Variants in ICAM2 observed in about 807,000 individuals in gnomAD.
ICAM2 encodes ICAM-2.
ICAM2 carries 14 observed loss-of-function variants against 19.1 expected under a neutral mutation model. The observed-to-expected ratio is 0.73, with a 90% CI of 0.48 to 1.15. ICAM2 has a LOEUF of 1.15. Among genes scored for constraint, ICAM2 ranks in the 50% most tolerant of loss-of-function variants. The pLI, the probability that ICAM2 is intolerant of heterozygous loss-of-function variation, is 0.00. For missense variants in ICAM2, 311 were observed against 355.4 expected, an observed-to-expected ratio of 0.88 and a Z score of 1.00; for synonymous variants, 153 against 152.7, an observed-to-expected ratio of 1.00 and a Z score of -0.01.
chr17:64,012,688 G>A (rs534022775), intron 1 of ICAM2, among the ~76,000 whole-genome samples: 6 of 152,296 alleles, frequency 3.9e-5, no homozygotes, highest in South Asian at 2.1e-4. Flanking sequence ...TTGAATCCAC[G>A]TGAATGAAGG....
At chr17:64,018,396 A>G in intron 1 of ICAM2, among the ~76,000 whole-genome samples, 1 of 151,126 alleles carries the variant, frequency 6.6e-6, no homozygotes, top group South Asian at 2.1e-4. Context: ...AAACATGTCT[A>G]AACAAGTGAA....
rs768243019 is a variant in ICAM2, at chr17:64,005,137, C to T, written c.298G>A (p.Glu100Lys). The part of the protein sequence containing the change: ...QCHFTCSGKQ[E>K]SMNSNVSVYQ... ...ACGCTGACGTTGGAATTCATTGACT[C>T]CTGCTTCCCGGAGCAGGTGAAGTGG... is the stretch of plus-strand genomic sequence containing the variant. Residue 100 changes from glutamate (E) to lysine (K), a missense_variant, in exon 3 of 5, where the codon GAG becomes AAG. Coordinates refer to ENST00000579788, the MANE Select transcript of ICAM2 (RefSeq NM_001099789.2). 10 of 1,614,028 alleles carry T rather than the reference C, an allele frequency of 6.2e-6. No homozygotes were observed. In the East Asian group the frequency reaches 2.0e-4, roughly 32 times the overall value.
chr17:64,002,936 AG>A lies in ICAM2; in HGVS notation c.650-12del. On this transcript the variant is annotated splice_polypyrimidine_tract_variant and intron_variant, in intron 4 of 4. Coordinates refer to ENST00000579788, the MANE Select transcript of ICAM2 (RefSeq NM_001099789.2). ...TGTCCGACACAGGCTCTGGGGAGGG[AG>A]GGGGCAAGGGTCTTAGACGTCCTGT... The A allele has an allele frequency of 6.8e-6, 11 of 1,611,562 alleles. No homozygotes were observed. Among genetic ancestry groups the A allele is most frequent in the Non-Finnish European group, 9.3e-6 (11 of 1,178,590 alleles).
At chr17:64,010,224 C>G (rs1198786715) in intron 1 of ICAM2, among the ~76,000 whole-genome samples, 1 of 152,164 alleles carries the variant, frequency 6.6e-6, no homozygotes, top group Non-Finnish European at 1.5e-5. Flanking sequence ...GCCTACACAC[C>G]TGTTGGTCCT....
At chr17:64,010,117 C>T (rs1911391552) in intron 1 of ICAM2, among the ~76,000 whole-genome samples, 1 of 152,172 alleles carries the variant, frequency 6.6e-6, no homozygotes, top group Non-Finnish European at 1.5e-5. Context: ...GACGGTCTCC[C>T]CGATCTCCTC....
intron 3 of ICAM2, chr17:64,004,877 C>T (rs562135095): frequency 3.0e-5 from 18 of 603,974 alleles, no homozygotes; most frequent in South Asian, 1.2e-4. Flanking sequence ...AGATTGTCCT[C>T]CCCTAAGCAA....
chr17:64,003,564 G>T, intron 4 of ICAM2, 80 bp downstream of exon 4: 1 of 1,323,722 alleles, frequency 7.6e-7, no homozygotes, highest in Non-Finnish European at 1.1e-6. Flanking sequence ...TGCTTCCCAA[G>T]TGGGACTCAA....
chr17:64,013,754 A>G (rs926454631), intron 1 of ICAM2, among the ~76,000 whole-genome samples: 10 of 152,162 alleles, frequency 6.6e-5, no homozygotes, highest in African/African-American at 2.4e-4. Context: ...GGAAGTTACA[A>G]TAGTTCTAAA....
At chr17:64,007,826 G>A (rs1177599926) in intron 1 of ICAM2, 1 of 152,172 alleles carries the variant, frequency 6.6e-6, no homozygotes, top group African/African-American at 2.4e-5. Flanking sequence ...TTTATTCCTA[G>A]GGAGGAATCC....
Position 64,006,684 on chromosome 17 carries a change from G to C in ICAM2, c.8C>G (p.Ser3Cys), listed in dbSNP as rs897996253. Residue 3 changes from serine (S) to cysteine (C), a missense_variant, in exon 2 of 5, where the codon TCT (serine) becomes TGT (cysteine). Physicochemically the swap from Ser to Cys is moderately radical, Grantham distance 112. Coordinates refer to ENST00000579788, the MANE Select transcript of ICAM2 (RefSeq NM_001099789.2). ...CACAGTCAGGGTCCTGTAACCGAAA[G>C]AGGACATCTCTGGCAGTCTCCACGG... MS[S>C]FGYRTLTVAL... 2 of 1,614,078 alleles carry C rather than the reference G, an allele frequency of 1.2e-6. No homozygotes were observed. Among genetic ancestry groups the C allele is most frequent in the African/African-American group, 2.7e-5 (2 of 74,942 alleles).
At position 64,003,681 on chromosome 17, in the gene ICAM2, A is replaced by G; in HGVS notation, c.612T>C (p.Phe204=). ...LDLMSRGGNI[F]HKHSAPKMLE... is the part of the protein sequence containing the mutation. ...ACATCTTCGGGGCTGAGTGTTTGTG[A>G]AAGATGTTGCCACCGCGAGACATCA... The change falls in exon 4 of 5, where the codon TTT becomes TTC. Residue 204 remains phenylalanine (F), a synonymous_variant. Transcript: ENST00000579788. The G allele has an allele frequency of 6.2e-7, 1 of 1,614,122 alleles. No individual in the cohort carries two copies. Among genetic ancestry groups the G allele is most frequent in the Non-Finnish European group, 8.5e-7 (1 of 1,180,022 alleles).
chr17:64,014,905 A>C (rs913016221), intron 1 of ICAM2, among the ~76,000 whole-genome samples: 5 of 152,104 alleles, frequency 3.3e-5, no homozygotes, highest in African/African-American at 9.7e-5. Flanking sequence ...GTGCGATATT[A>C]TCTCTCTATT....
rs767593881 is a variant in ICAM2, at chr17:64,005,180, A to C, written c.255T>G (p.His85Gln). The C allele has an allele frequency of 1.2e-6, 2 of 1,614,154 alleles. No homozygotes were observed. The highest frequency in any genetic ancestry group is 4.5e-5 in the East Asian group (2 of 44,884). Residue 85 changes from histidine (H) to glutamine (Q), a missense_variant, in exon 3 of 5, where the codon CAT becomes CAG. By Grantham distance (24) the His-to-Gln change is conservative. Transcript: ENST00000579788. ...TGAAGTGGCATTGGAGGACCGTGTC[A>C]TGGGAGATGTTTGAGACCAAGTAAT... is the stretch of plus-strand genomic sequence containing the variant. ...WKHYLVSNIS[H>Q]DTVLQCHFTC...
At chr17:64,014,376 A>AAGG (rs1911587341) in intron 1 of ICAM2, among the ~76,000 whole-genome samples, 4 of 55,412 alleles carry the variant, frequency 7.2e-5, no homozygotes, top group African/African-American at 2.4e-4. Flanking sequence ...AGAAAGAAAG[A>AAGG]AAGGAAGGAA....
chr17:64,009,415 C>G (rs904489143), intron 1 of ICAM2, among the ~76,000 whole-genome samples: 5 of 151,808 alleles, frequency 3.3e-5, no homozygotes, highest in African/African-American at 1.2e-4. Context: ...GTACCTTACT[C>G]CTTGAGGATG....
chr17:64,006,974 T>C (rs1911243650), intron 1 of ICAM2: 6 of 502,830 alleles, frequency 1.2e-5, no homozygotes, highest in Admixed American at 1.0e-4. Flanking sequence ...GGGCAGGCAA[T>C]GGGTGCACGC....
At chr17:64,014,729 GAAAGA>G (rs1911647788) in intron 1 of ICAM2, among the ~76,000 whole-genome samples, 1 of 17,056 alleles carries the variant, frequency 5.9e-5, no homozygotes. Flanking sequence ...AAGGAAGAAA[GAAAGA>G]AAGAAAGAAA....
Position 64,019,302 on chromosome 17 carries a change from T to C in ICAM2, c.-45+1221A>G, listed in dbSNP as rs545588038. On this transcript the variant is annotated intron_variant, in intron 1 of 4. Coordinates refer to ENST00000579788, the MANE Select transcript of ICAM2 (RefSeq NM_001099789.2). ...CAGGAGGCTGAGGTGGGAAGATCAC[T>C]GGATCCCAGGAGTTCGAGGTTGTAG... Among the ~76,000 whole-genome samples, 3 of 152,210 alleles carry C rather than the reference T, an allele frequency of 2.0e-5. 1 individual carries two copies. In the East Asian group the frequency reaches 5.8e-4, roughly 29 times the overall value.
At chr17:64,002,998 T>C in intron 4 of ICAM2, 73 bp from the exon 5 acceptor site, 2 of 1,458,704 alleles carry the variant, frequency 1.4e-6, no homozygotes, top group Non-Finnish European at 9.4e-7. Flanking sequence ...GGAGTGGAAG[T>C]CCACCCCCAA....
Sources: allele counts gnomAD v4.1 joint callset (sites outside exome capture counted in the v4.1 genomes callset), GRCh38; gene constraint gnomAD v4.1.1; transcripts MANE v1.5; gene names NCBI Gene and HGNC (gene_info 2026-07-23, HGNC 2026-07-21).